The following RBFOX1 variants were observed in gnomAD, a reference collection of about 807,000 sequenced individuals.
The protein encoded by RBFOX1 is RNA binding protein fox-1 homolog 1.
In RBFOX1, 8 loss-of-function variants were observed where a neutral mutation model predicts 57.7. The ratio of observed to expected loss-of-function variants is 0.14; its 90% CI spans 0.08 to 0.25. RBFOX1 has a LOEUF of 0.25. Ranked by LOEUF, RBFOX1 falls within the 10% of genes least tolerant of loss-of-function variation. The pLI, the probability that RBFOX1 is intolerant of heterozygous loss-of-function variation, is 1.00. For synonymous variants in RBFOX1, 326 were observed against 222.4 expected, an observed-to-expected ratio of 1.47 and a Z score of -4.15; for missense variants, 611 against 548.5, an observed-to-expected ratio of 1.11 and a Z score of -1.14.
rs2053127405 is a variant in RBFOX1, at chr16:5,749,857, C to T, written c.319-117446C>T. 2.0e-5 allele frequency among the ~76,000 whole-genome samples: 3 copies of T among 152,346 alleles called. No individual in the cohort carries two copies. In the South Asian group the frequency reaches 6.2e-4, roughly 32 times the overall value. Reference sequence around the variant, plus strand: ...AAGTTTGATCGTCTGAAGCCTTCTTCTCTCAACTCGTCGAAGTCATTCTCC... The same window carrying T: ...AAGTTTGATCGTCTGAAGCCTTCTTTTCTCAACTCGTCGAAGTCATTCTCC... On this transcript the variant is annotated intron_variant, in intron 3 of 19. Coordinates refer to the RBFOX1 transcript ENST00000641259.
intron 4 of RBFOX1, among the ~76,000 whole-genome samples, chr16:7,431,566 T>A (rs756322678): frequency 6.6e-6 from 1 of 152,180 alleles, no homozygotes; most frequent in Admixed American, 6.5e-5. Flanking sequence ...CTTTTATTTT[T>A]AAAAAATGCT....
intron 5 of RBFOX1, among the ~76,000 whole-genome samples, chr16:7,556,960 T>G (rs2088716812): frequency 6.6e-6 from 1 of 152,228 alleles, no homozygotes; most frequent in Non-Finnish European, 1.5e-5. Context: ...CAAATGCCTC[T>G]GTTAACAACA....
At chr16:7,182,214 T>C (rs994127802) in intron 4 of RBFOX1, among the ~76,000 whole-genome samples, 29 of 152,182 alleles carry the variant, frequency 1.9e-4, no homozygotes, top group African/African-American at 6.8e-4. Context: ...GATTATAAGC[T>C]ACATGAAGTT....
chr16:6,329,586 C>A (rs1176911823), intron 2 of RBFOX1, among the ~76,000 whole-genome samples: 2 of 152,224 alleles, frequency 1.3e-5, no homozygotes, highest in East Asian at 3.9e-4. Flanking sequence ...GATTCTGGTG[C>A]CTGGAGACCT....
intron 4 of RBFOX1, among the ~76,000 whole-genome samples, chr16:5,904,773 C>T (rs192209887): frequency 0.011 from 1,617 of 151,606 alleles, 8 homozygotes; most frequent in Middle Eastern, 0.031. Context: ...GTCAGGAGAT[C>T]AAGACCATCC....
chr16:7,332,870 G>T (rs894802276), intron 4 of RBFOX1: 37 of 1,487,944 alleles, frequency 2.5e-5, no homozygotes, highest in Non-Finnish European at 4.5e-6. Context: ...CGGCGTTGAT[G>T]AGTGCTTGGC....
At chr16:6,516,605 A>G (rs566754572) in intron 2 of RBFOX1, among the ~76,000 whole-genome samples, 1 of 152,190 alleles carries the variant, frequency 6.6e-6, no homozygotes, top group African/African-American at 2.4e-5. Context: ...CAACACTTTC[A>G]TGGAATTGAA....
At chr16:7,070,478 G>T (rs1360074568) in intron 4 of RBFOX1, among the ~76,000 whole-genome samples, 1 of 152,154 alleles carries the variant, frequency 6.6e-6, no homozygotes, top group African/African-American at 2.4e-5. Context: ...ATTTTCAGGG[G>T]TTGTATATTC....
chr16:7,248,808 C>T (rs1002178159), intron 4 of RBFOX1, among the ~76,000 whole-genome samples: 5 of 152,146 alleles, frequency 3.3e-5, no homozygotes, highest in Admixed American at 6.6e-5. Context: ...CTATTTATAA[C>T]AGTTGCCTTT....
At chr16:5,788,038 G>C (rs2054565228) in intron 3 of RBFOX1, among the ~76,000 whole-genome samples, 1 of 152,130 alleles carries the variant, frequency 6.6e-6, no homozygotes, top group Non-Finnish European at 1.5e-5. Flanking sequence ...CTATAGAATG[G>C]GGTAAATATA....
intron 2 of RBFOX1, among the ~76,000 whole-genome samples, chr16:6,590,952 A>T (rs759142333): frequency 3.8e-4 from 58 of 152,200 alleles, no homozygotes; most frequent in Admixed American, 2.0e-4. Context: ...TTGGAGTCAC[A>T]CTGCGAGAGT....
chr16:7,448,126 G>C (rs1000553940), intron 4 of RBFOX1, among the ~76,000 whole-genome samples: 2 of 152,206 alleles, frequency 1.3e-5, no homozygotes, highest in African/African-American at 4.8e-5. Context: ...AGGATGAATG[G>C]CAGCTGCCAA....
rs778038305 is a variant in RBFOX1 at position 7,407,370 on chromosome 16, A to ATGGG, written c.28-110774_28-110771dup. ...AGAATTTTGACTTCAAGGGATTTGT[A>ATGGG]TGGGTGTGTGTGTGTGTGTGTGTGT... On this transcript the variant is annotated intron_variant, in intron 4 of 15. Coordinates refer to ENST00000550418, the MANE Select transcript of RBFOX1 (RefSeq NM_018723.4). Among the ~76,000 whole-genome samples, 822 of 88,038 alleles carry ATGGG rather than the reference A, an allele frequency of 9.3e-3. 5 individuals are homozygous for ATGGG. The highest frequency in any genetic ancestry group is 0.028 in the South Asian group (53 of 1,908). The allele number at this position is 88,038 out of a possible 152,430, so 57.8% of individuals were successfully genotyped here. A position where few individuals can be genotyped will look rare whatever the true frequency, so the allele number is the denominator to read the frequency against.
intron 1 of RBFOX1, among the ~76,000 whole-genome samples, chr16:5,441,512 G>A (rs1049694069): frequency 6.6e-6 from 1 of 152,006 alleles, no homozygotes; most frequent in Non-Finnish European, 1.5e-5. Context: ...TTACAGGCAT[G>A]TGCCACCATG....
chr16:5,801,953 G>C (rs1238246914), intron 3 of RBFOX1, among the ~76,000 whole-genome samples: 1 of 152,146 alleles, frequency 6.6e-6, no homozygotes, highest in Non-Finnish European at 1.5e-5. Context: ...AGGGTTGGAC[G>C]TGTGTGCTTT....
At chr16:7,242,738 A>C (rs943218776) in intron 4 of RBFOX1, among the ~76,000 whole-genome samples, 3 of 152,332 alleles carry the variant, frequency 2.0e-5, no homozygotes, top group Admixed American at 2.0e-4. Context: ...GGCCACGTGC[A>C]TGATGGGTTG....
rs982640820 is a variant in RBFOX1, at chr16:7,510,116, G to A, written c.28-8031G>A. The A allele has an allele frequency of 1.2e-5, 12 of 985,502 alleles. No individual in the cohort carries two copies. The South Asian group carries it at 5.6e-4, about 46-fold the overall frequency. The allele number at this position is 985,502 out of a possible 1,614,324, so 61.0% of individuals were successfully genotyped here. A position where few individuals can be genotyped will look rare whatever the true frequency, so the allele number is the denominator to read the frequency against. On this transcript the variant is annotated intron_variant, in intron 4 of 15. Coordinates refer to ENST00000550418, the MANE Select transcript of RBFOX1 (RefSeq NM_018723.4). ...AGTGCCATCTGGGTTGGTTTTGGGA[G>A]CAGTCAGATGTTGAGGGGGAGGTCA... is the stretch of plus-strand genomic sequence containing the variant.
intron 3 of RBFOX1, among the ~76,000 whole-genome samples, chr16:6,927,246 C>CTA (rs1355187228): frequency 6.6e-6 from 1 of 151,368 alleles, no homozygotes; most frequent in African/African-American, 2.4e-5. Context: ...GTTCCCATCT[C>CTA]TACTAAAAAT....
At chr16:7,542,235 G>T (rs893274011) in intron 5 of RBFOX1, among the ~76,000 whole-genome samples, 1 of 152,138 alleles carries the variant, frequency 6.6e-6, no homozygotes, top group African/African-American at 2.4e-5. Flanking sequence ...AAAGGGGAAA[G>T]AAAATAATTC....
Sources: gnomAD v4.1 joint callset for allele counts (sites outside exome capture counted in the v4.1 genomes callset) on GRCh38, gnomAD v4.1.1 for gene constraint, MANE v1.5 for transcripts, NCBI Gene and HGNC (gene_info 2026-07-23, HGNC 2026-07-21) for gene names.